The following TCF4 variants were observed in gnomAD, a reference collection of about 807,000 sequenced individuals.
The protein encoded by TCF4 is SL3-3 enhancer factor 2.
A neutral mutation model predicts 82.1 loss-of-function variants in TCF4; 3 were observed. The observed-to-expected ratio is 0.04, with a 90% CI of 0.02 to 0.09. The LOEUF (loss-of-function observed/expected upper bound fraction) is 0.09. TCF4 is among the 10% of genes least tolerant of loss of function. TCF4 has a pLI of 1.00. For missense variants in TCF4, 518 were observed against 852.7 expected (o/e 0.61, Z 4.89); for synonymous variants, 276 against 309.6 (o/e 0.89, Z 1.14).
At chr18:55,619,808 G>C (rs1365721313) in intron 2 of TCF4, among the ~76,000 whole-genome samples, 1 of 152,134 alleles carries the variant, frequency 6.6e-6, no homozygotes, top group Non-Finnish European at 1.5e-5. Flanking sequence ...GGTGCTGGAT[G>C]TTTTTGTATA....
At chr18:55,298,644 T>C (rs2067217101) in intron 8 of TCF4, among the ~76,000 whole-genome samples, 2 of 152,218 alleles carry the variant, frequency 1.3e-5, no homozygotes, top group African/African-American at 2.4e-5. Context: ...TACATATGTG[T>C]GCATTAAATA....
chr18:55,468,893 C>CCT (rs56350418), intron 3 of TCF4, among the ~76,000 whole-genome samples: 4 of 118,960 alleles, frequency 3.4e-5, no homozygotes, highest in African/African-American at 1.2e-4. Context: ...CCCCCCCCCC[C>CCT]TTGTTCTATT....
chr18:55,349,666 A>C (rs1329834636), intron 8 of TCF4, among the ~76,000 whole-genome samples: 1 of 151,932 alleles, frequency 6.6e-6, no homozygotes, highest in Non-Finnish European at 1.5e-5. Flanking sequence ...ATTAAATACA[A>C]TTATCTAGGA....
At chr18:55,405,108 G>A (rs1337823309) in intron 5 of TCF4, among the ~76,000 whole-genome samples, 2 of 152,226 alleles carry the variant, frequency 1.3e-5, no homozygotes, top group African/African-American at 2.4e-5. Context: ...TGTATCAGCA[G>A]TGTGAATGGT....
At chr18:55,475,201 C>A (rs1294480317) in intron 3 of TCF4, among the ~76,000 whole-genome samples, 1 of 152,174 alleles carries the variant, frequency 6.6e-6, no homozygotes, top group Non-Finnish European at 1.5e-5. Context: ...TCTCTTTTAT[C>A]CATTTGAATC....
chr18:55,619,823 T>TA (rs776667201), intron 2 of TCF4, among the ~76,000 whole-genome samples: 3 of 152,174 alleles, frequency 2.0e-5, no homozygotes, highest in Non-Finnish European at 1.5e-5. Flanking sequence ...TGTATACCTA[T>TA]AGACCTTCTT....
chr18:55,576,841 T>A (rs1241495357), intron 3 of TCF4, among the ~76,000 whole-genome samples: 1 of 152,006 alleles, frequency 6.6e-6, no homozygotes, highest in Admixed American at 6.6e-5. Flanking sequence ...TGAACTTTCT[T>A]AAAACATGAG....
intron 3 of TCF4, among the ~76,000 whole-genome samples, chr18:55,580,671 A>G (rs2097566750): frequency 6.6e-6 from 1 of 152,000 alleles, no homozygotes; most frequent in Non-Finnish European, 1.5e-5. Flanking sequence ...TAAAGATCAC[A>G]GATAGCATTT....
At chr18:55,275,872 G>T in intron 9 of TCF4, 120 bp from the exon 10 acceptor site, 1 of 1,263,244 alleles carries the variant, frequency 7.9e-7, no homozygotes, top group Non-Finnish European at 1.1e-6. Flanking sequence ...GTGTTGGTTA[G>T]CTGATTACAT....
At chr18:55,258,868 G>A (rs2057445661) in intron 13 of TCF4, among the ~76,000 whole-genome samples, 1 of 151,930 alleles carries the variant, frequency 6.6e-6, no homozygotes, top group Non-Finnish European at 1.5e-5. Context: ...ATTTCCACCA[G>A]GGGGAACGTT....
At chr18:55,485,668 A>AT (rs2096503631) in intron 3 of TCF4, among the ~76,000 whole-genome samples, 1 of 152,110 alleles carries the variant, frequency 6.6e-6, no homozygotes. Context: ...ACTAAAAAGC[A>AT]TTTTTTCTTT....
intron 3 of TCF4, among the ~76,000 whole-genome samples, chr18:55,574,903 A>G (rs564699789): frequency 2.6e-5 from 4 of 152,336 alleles, no homozygotes; most frequent in African/African-American, 9.6e-5. Flanking sequence ...CTCCAGTGAA[A>G]CACACTCACA....
At chr18:55,344,819 G>GT (rs1386643914) in intron 8 of TCF4, among the ~76,000 whole-genome samples, 1 of 152,100 alleles carries the variant, frequency 6.6e-6, no homozygotes, top group Non-Finnish European at 1.5e-5. Flanking sequence ...GTGGTGTTTT[G>GT]TTTGAGTGTT....
intron 3 of TCF4, among the ~76,000 whole-genome samples, chr18:55,538,520 A>G (rs1297910158): frequency 6.6e-6 from 1 of 152,252 alleles, no homozygotes; most frequent in African/African-American, 2.4e-5. Flanking sequence ...CCACAGCAGG[A>G]AAGTTTTTAA....
chr18:55,536,721 T>A (rs901090514), intron 3 of TCF4, among the ~76,000 whole-genome samples: 7 of 152,224 alleles, frequency 4.6e-5, no homozygotes. Flanking sequence ...TTTTAAAATT[T>A]CTGAGGAGTA....
At position 55,269,960 on chromosome 18, in the gene TCF4, A is replaced by T; in HGVS notation, c.793T>A (p.Tyr265Asn). ...CSLHPHERLS[Y>N]PSHSSADINS... ...ATGTCTGCTGAGGAGTGTGATGGAT[A>T]GCTCTATAGCAAGAAGCAGAAAAAG... The change falls in exon 11 of 20, where the codon TAT becomes AAT. Residue 265 changes from tyrosine to asparagine, a missense_variant. By Grantham distance (143) the Tyr-to-Asn change is moderately radical. Coordinates refer to ENST00000354452, the MANE Select transcript of TCF4 (RefSeq NM_001083962.2). 6.2e-7 allele frequency: 1 copy of T among 1,613,220 alleles called. No individual in the cohort carries two copies. Among genetic ancestry groups the T allele is most frequent in the African/African-American group, 1.3e-5 (1 of 74,996 alleles).
chr18:55,422,452 A>G, intron 5 of TCF4: 2 of 984,248 alleles, frequency 2.0e-6, no homozygotes, highest in Non-Finnish European at 2.4e-6. Flanking sequence ...AGTTTGCCAG[A>G]AATTCTCATA....
In TCF4 at chr18:55,259,922, G is replaced by A. The variant is rs1416885492; in HGVS notation, c.1069+27C>T. ...GAATCATTCTTATAAACTGTTATAT[G>A]ATGAAATGGGATTTGAAATACACTA... is the stretch of plus-strand genomic sequence containing the variant. On this transcript the variant is annotated intron_variant, in intron 13 of 19. Transcript: ENST00000354452. 3.8e-6 allele frequency: 6 copies of A among 1,575,104 alleles called. No homozygotes were observed. In the African/African-American group the frequency reaches 5.4e-5, roughly 14 times the overall value.
intron 5 of TCF4, among the ~76,000 whole-genome samples, chr18:55,441,511 A>T (rs1249169819): frequency 6.6e-6 from 1 of 152,208 alleles, no homozygotes; most frequent in Non-Finnish European, 1.5e-5. Context: ...TGAGAGACAG[A>T]ATTTAACTCC....
Sources: gnomAD v4.1 joint callset for allele counts (sites outside exome capture counted in the v4.1 genomes callset) on GRCh38, gnomAD v4.1.1 for gene constraint, MANE v1.5 for transcripts, NCBI Gene and HGNC (gene_info 2026-07-23, HGNC 2026-07-21) for gene names.